PRPF8: variants seen among roughly 807,000 people sequenced by gnomAD.
PRPF8 encodes pre-mRNA-processing-splicing factor 8.
PRPF8 carries 64 observed loss-of-function variants against 285.9 expected under a neutral mutation model. That is an observed-to-expected ratio of 0.22 (90% CI 0.18 to 0.28). PRPF8 has a LOEUF of 0.28. Ranked by LOEUF, PRPF8 falls within the 10% of genes least tolerant of loss-of-function variation. The pLI is 1.00. For synonymous variants in PRPF8, 1,325 were observed against 1,118.2 expected, an observed-to-expected ratio of 1.18 and a Z score of -3.69; for missense variants, 1,426 against 3,026.7, an observed-to-expected ratio of 0.47 and a Z score of 12.41.
intron 24 of PRPF8, among the ~76,000 whole-genome samples, chr17:1,670,338 T>C (rs1454716940): frequency 6.6e-6 from 1 of 152,220 alleles, no homozygotes; most frequent in African/African-American, 2.4e-5. Flanking sequence ...AACACCCACC[T>C]AGTCACCCAT....
Position 1,674,727 on chromosome 17 carries a change from G to A in PRPF8, c.3061-47C>T, listed in dbSNP as rs946120908. ...TCTTAAGAATGTGAGCCATGCCCCA[G>A]GATTCTCCAGAGTTAACCTCTTTTG... is the stretch of plus-strand genomic sequence containing the variant. On this transcript the variant is annotated intron_variant, in intron 20 of 42. Transcript: ENST00000304992. 3.8e-6 allele frequency: 6 copies of A among 1,571,790 alleles called. No homozygotes were observed. The African/African-American group carries it at 8.1e-5, about 21-fold the overall frequency.
chr17:1,652,431 G>A (rs1043868085), intron 39 of PRPF8, among the ~76,000 whole-genome samples: 34 of 152,142 alleles, frequency 2.2e-4, no homozygotes, highest in Non-Finnish European at 5.0e-4. Context: ...GAGAGACGGG[G>A]TTTCGCCACG....
Position 1,676,430 on chromosome 17 carries a change from C to T in PRPF8, c.2389-60G>A. ...AGCCCGATCCTGCCAGAACAAGGTT[C>T]AGTCACAACTCTACAGTCCTCCCTC... On this transcript the variant is annotated intron_variant, in intron 16 of 42. Transcript: ENST00000304992. This position sits in a 1 kb window ranked among gnomAD's most constrained non-coding sequence, Gnocchi z 6.3. 1.2e-6 allele frequency: 2 copies of T among 1,614,022 alleles called. No individual in the cohort carries two copies. The highest frequency in any genetic ancestry group is 1.7e-6 in the Non-Finnish European group (2 of 1,180,000).
In PRPF8 at chr17:1,653,404, G is replaced by C; in HGVS notation, c.6369+138C>G. On this transcript the variant is annotated intron_variant, in intron 39 of 42. Coordinates refer to ENST00000304992, the MANE Select transcript of PRPF8 (RefSeq NM_006445.4). The surrounding 1 kb of genome is among the most constrained non-coding windows in gnomAD (Gnocchi z 4.9). ...TCATGGGGCCAAAACCCACCTCGTTGTTTTGGCTATCCTTGTATAATTACT... is the reference window on the plus strand; with the variant it reads ...TCATGGGGCCAAAACCCACCTCGTTCTTTTGGCTATCCTTGTATAATTACT... 1 of 1,256,914 alleles carries C rather than the reference G, an allele frequency of 8.0e-7. No individual in the cohort carries two copies. The highest frequency in any genetic ancestry group is 1.1e-6 in the Non-Finnish European group (1 of 876,664). The allele number at this position is 1,256,914 out of a possible 1,614,324, so 77.9% of individuals were successfully genotyped here. A position where few individuals can be genotyped will look rare whatever the true frequency, so the allele number is the denominator to read the frequency against.
At position 1,653,032 on chromosome 17, in the gene PRPF8, G is replaced by C. The variant is rs558908713; in HGVS notation, c.6369+510C>G. 4.4e-6 allele frequency: 1 copy of C among 225,328 alleles called. No individual in the cohort carries two copies. The highest frequency in any genetic ancestry group is 9.0e-6 in the Non-Finnish European group (1 of 110,966). 14.0% of individuals were successfully genotyped at this position (225,328 alleles called of 1,614,324 possible). A position where few individuals can be genotyped will look rare whatever the true frequency, so the allele number is the denominator to read the frequency against. ...CACTGCAAGCTCCACCTCACCTCCC[G>C]GGTTCAAGCAATTCTCCTGTCTCAA... On this transcript the variant is annotated intron_variant, in intron 39 of 42. Coordinates refer to ENST00000304992, the MANE Select transcript of PRPF8 (RefSeq NM_006445.4). The surrounding 1 kb of genome is among the most constrained non-coding windows in gnomAD (Gnocchi z 4.9).
rs143150486 is a variant in PRPF8 at position 1,681,837 on chromosome 17, C to T, written c.636G>A (p.Pro212=). The part of the protein sequence containing the change: ...PVLDWFYDHQ[P]LRDSRKYVNG... The stretch of plus-strand genomic sequence containing the variant: ...TCACTCACTTCCTGCTGTCCCTCAA[C>T]GGCTGGTGGTCATAGAACCAGTCCA... Residue 212 remains proline, a synonymous_variant, in exon 5 of 43, where the codon CCG becomes CCA. Coordinates refer to ENST00000304992, the MANE Select transcript of PRPF8 (RefSeq NM_006445.4). 2.6e-5 allele frequency: 42 copies of T among 1,613,984 alleles called. No individual in the cohort carries two copies. Among genetic ancestry groups the T allele is most frequent in the African/African-American group, 5.3e-5 (4 of 74,950 alleles).
intron 24 of PRPF8, among the ~76,000 whole-genome samples, chr17:1,665,008 A>AC (rs1911880963): frequency 6.6e-6 from 1 of 151,458 alleles, no homozygotes; most frequent in Admixed American, 6.6e-5. Flanking sequence ...ATACAAAAAA[A>AC]AATTAGCTGG....
Position 1,659,282 on chromosome 17 carries a change from T to C in PRPF8, c.5138+75A>G. The C allele has an allele frequency of 1.3e-6, 2 of 1,563,300 alleles. No individual in the cohort carries two copies. The highest frequency in any genetic ancestry group is 1.7e-5 in the Admixed American group (1 of 59,908). ...CTCAGACAATCTGCCCACCGCGGCC[T>C]CCCAAAGTGCTGGGATTACAGGTGT... On this transcript the variant is annotated intron_variant, in intron 32 of 42. Transcript: ENST00000304992. This position sits in a 1 kb window ranked among gnomAD's most constrained non-coding sequence, Gnocchi z 5.1.
chr17:1,668,223 C>T (rs1355566326), intron 24 of PRPF8, among the ~76,000 whole-genome samples: 1 of 152,210 alleles, frequency 6.6e-6, no homozygotes, highest in Non-Finnish European at 1.5e-5. Context: ...CCCTCTCAGA[C>T]ACTCCTCCAC....
chr17:1,663,301 T>TA (rs769923426), intron 24 of PRPF8, among the ~76,000 whole-genome samples: 56 of 151,260 alleles, frequency 3.7e-4, no homozygotes, highest in African/African-American at 8.7e-4. Flanking sequence ...AAAAAATAAT[T>TA]TAAAAAAAAA....
In PRPF8 at chr17:1,681,611, G is replaced by A. The variant is rs1404589401; in HGVS notation, c.733C>T (p.Leu245Phe). 1 of 1,613,994 alleles carries A rather than the reference G, an allele frequency of 6.2e-7. No homozygotes were observed. Among genetic ancestry groups the A allele is most frequent in the East Asian group, 2.2e-5 (1 of 44,894 alleles). ...MSTLYRLANQ[L>F]LTDLVDDNYF... The stretch of plus-strand genomic sequence containing the variant: ...TTGTCATCCACCAAGTCTGTCAGGA[G>A]CTGATTAGCCAGGCGGTAGAGAGTC... The change falls in exon 6 of 43, where the codon CTC becomes TTC. Residue 245 changes from leucine to phenylalanine, a missense_variant. By Grantham distance (22) the Leu-to-Phe change is conservative. Around this residue, in one of 34 missense-constraint regions of PRPF8, gnomAD observed 157 missense variants for 159.6 expected, o/e 0.98. Transcript: ENST00000304992.
In PRPF8 at chr17:1,661,201, C is replaced by G; in HGVS notation, c.4339-39G>C. The G allele has an allele frequency of 6.2e-7, 1 of 1,614,126 alleles. No individual in the cohort carries two copies. Among genetic ancestry groups the G allele is most frequent in the Non-Finnish European group, 8.5e-7 (1 of 1,180,010 alleles). On this transcript the variant is annotated intron_variant, in intron 27 of 42. Transcript: ENST00000304992. This position sits in a 1 kb window ranked among gnomAD's most constrained non-coding sequence, Gnocchi z 7.3. ...CAGGCACGGTCAAGCTTCTGGGTGC[C>G]TATTGCCCCAAGTTTCGGGGATAGC...
rs199553040 is a variant in PRPF8 at position 1,651,223 on chromosome 17, G to A, written c.6738C>T (p.Asn2246=). 25 of 1,614,020 alleles carry A rather than the reference G, an allele frequency of 1.5e-5. No homozygotes were observed. The highest frequency in any genetic ancestry group is 1.6e-5 in the Non-Finnish European group (19 of 1,180,046). Residue 2246 remains asparagine, a synonymous_variant, in exon 42 of 43, where the codon AAC becomes AAT. Transcript: ENST00000304992. This position sits in a 1 kb window ranked among gnomAD's most constrained non-coding sequence, Gnocchi z 5.1. The part of the protein sequence containing the change: ...EWGRQNTDKG[N]NPKGYLPSHY... The stretch of plus-strand genomic sequence containing the variant: ...GTGAAGGCAGGTAGCCCTTGGGGTT[G>A]TTGCCCTTGTCTGTGTTCTGGCGGC...
Position 1,676,821 on chromosome 17 carries a change from T to C in PRPF8, c.2182-110A>G. 6.7e-7 allele frequency: 1 copy of C among 1,487,260 alleles called. No homozygotes were observed. The highest frequency in any genetic ancestry group is 9.3e-7 in the Non-Finnish European group (1 of 1,074,824). 92.1% of individuals were successfully genotyped at this position (1,487,260 alleles called of 1,614,324 possible). A position where few individuals can be genotyped will look rare whatever the true frequency, so the allele number is the denominator to read the frequency against. On this transcript the variant is annotated intron_variant, in intron 15 of 42. Coordinates refer to ENST00000304992, the MANE Select transcript of PRPF8 (RefSeq NM_006445.4). This position sits in a 1 kb window ranked among gnomAD's most constrained non-coding sequence, Gnocchi z 6.3. ...AGGAGGATCGCTTGAGCTCAGGAGCTTGAGGCCAGCCTAAGCAACATGGTG... is the reference window on the plus strand; with the variant it reads ...AGGAGGATCGCTTGAGCTCAGGAGCCTGAGGCCAGCCTAAGCAACATGGTG...
In PRPF8 at chr17:1,651,271, C is replaced by G; in HGVS notation, c.6690G>C (p.Leu2230=). The G allele has an allele frequency of 6.2e-7, 1 of 1,614,086 alleles. No homozygotes were observed. Among genetic ancestry groups the G allele is most frequent in the Non-Finnish European group, 8.5e-7 (1 of 1,180,020 alleles). Residue 2230 remains leucine, a synonymous_variant, in exon 42 of 43, where the codon CTG becomes CTC. Transcript: ENST00000304992. This position sits in a 1 kb window ranked among gnomAD's most constrained non-coding sequence, Gnocchi z 5.1. ...GGCCCCATTCGTAGCCACTGGGGGT[C>G]AGCTTGTAGGCCGTCAGTGTACAGG... ...PGSCTLTAYK[L]TPSGYEWGRQ... is the part of the protein sequence containing the mutation.
At chr17:1,660,135 G>A (rs886607487) in intron 30 of PRPF8, 134 bp from the exon 31 acceptor site, 1 of 1,150,292 alleles carries the variant, frequency 8.7e-7, no homozygotes, top group Non-Finnish European at 1.3e-6. Context: ...ATGCAAAAGA[G>A]CAAGCTGAGC....
At chr17:1,682,480 C>A (rs1402348829) in intron 3 of PRPF8, among the ~76,000 whole-genome samples, 187 bp from the exon 4 acceptor site, 1 of 152,198 alleles carries the variant, frequency 6.6e-6, no homozygotes, top group Non-Finnish European at 1.5e-5. Context: ...TTGCACCACT[C>A]TTCTTAAACG....
chr17:1,676,081 T>C lies in PRPF8; in HGVS notation c.2553-27A>G. The stretch of plus-strand genomic sequence containing the variant: ...TGACAAAAGCAATGGGAAGGGTGAA[T>C]GGGAAAACTAGGAGGAAGTAAAACC... On this transcript the variant is annotated intron_variant, in intron 17 of 42. Transcript: ENST00000304992. The surrounding 1 kb of genome is among the most constrained non-coding windows in gnomAD (Gnocchi z 6.3). 1.2e-6 allele frequency: 2 copies of C among 1,612,258 alleles called. No homozygotes were observed. Among genetic ancestry groups the C allele is most frequent in the Non-Finnish European group, 8.5e-7 (1 of 1,179,904 alleles).
rs950759149 is a variant in PRPF8, at chr17:1,664,190, C to T, written c.3775-2037G>A. Among the ~76,000 whole-genome samples, 33 of 152,088 alleles carry T rather than the reference C, an allele frequency of 2.2e-4. No homozygotes were observed. In the East Asian group the frequency reaches 2.5e-3, roughly 12 times the overall value. ...GGACTACAGGCGTGTACCACCACAC[C>T]CAGCTAATTTTTGTATTTTTTTTGT... is the stretch of plus-strand genomic sequence containing the variant. On this transcript the variant is annotated intron_variant, in intron 24 of 42. Transcript: ENST00000304992.
Sources: gnomAD v4.1 joint callset for allele counts (sites outside exome capture counted in the v4.1 genomes callset) on GRCh38, gnomAD v4.1.1 for gene constraint, gnomAD v4.1.1 regional missense constraint, Gnocchi (gnomAD v3.1) non-coding constraint, MANE v1.5 for transcripts, NCBI Gene and HGNC (gene_info 2026-07-23, HGNC 2026-07-21) for gene names.